Variants in CNTNAP2 observed in about 807,000 individuals in gnomAD.
CNTNAP2 encodes the protein contactin associated protein 2.
Under a neutral mutation model 155.2 loss-of-function variants are expected in CNTNAP2, and 98 were observed. The observed-to-expected ratio is 0.63, with a 90% CI of 0.54 to 0.75. CNTNAP2 has a LOEUF of 0.75. CNTNAP2 is among the 30% of genes least tolerant of loss of function. CNTNAP2 has a pLI of 0.00. For missense variants in CNTNAP2, 1,727 were observed against 1,688.1 expected (o/e 1.02, Z -0.40); for synonymous variants, 651 against 631.2 (o/e 1.03, Z -0.47).
At position 146,528,000 on chromosome 7, in the gene CNTNAP2, G is replaced by T. The variant is rs548568071; in HGVS notation, c.98-246271G>T. On this transcript the variant is annotated intron_variant, in intron 1 of 23. Coordinates refer to ENST00000361727, the MANE Select transcript of CNTNAP2 (RefSeq NM_014141.6). ...CTACCACTATAGTCAATGATAAAAT[G>T]TGAATAAATAGAAAGAAAAATATTG... is the stretch of plus-strand genomic sequence containing the variant. 6.6e-5 allele frequency among the ~76,000 whole-genome samples: 10 copies of T among 152,146 alleles called. No homozygotes were observed. The South Asian group carries it at 1.2e-3, about 19-fold the overall frequency.
intron 1 of CNTNAP2, among the ~76,000 whole-genome samples, chr7:146,553,849 C>T (rs1798156563): frequency 6.6e-6 from 1 of 151,890 alleles, no homozygotes; most frequent in African/African-American, 2.4e-5. Flanking sequence ...ATTATGCTGT[C>T]TGCGTACTCA....
At chr7:147,359,814 A>T (rs1796117734) in intron 9 of CNTNAP2, among the ~76,000 whole-genome samples, 1 of 151,994 alleles carries the variant, frequency 6.6e-6, no homozygotes, top group South Asian at 2.1e-4. Context: ...ACAGCCTGCC[A>T]CCCACCTCTC....
chr7:147,948,068 A>G (rs77187521), intron 14 of CNTNAP2, among the ~76,000 whole-genome samples: 8,685 of 152,226 alleles, frequency 0.057, 307 homozygotes, highest in South Asian at 0.14. Flanking sequence ...CTTAAAAATT[A>G]ATTATTTTCA....
chr7:147,619,657 C>T (rs563890161), intron 12 of CNTNAP2, among the ~76,000 whole-genome samples: 1 of 152,326 alleles, frequency 6.6e-6, no homozygotes, highest in South Asian at 2.1e-4. Flanking sequence ...AGCTCAGCCA[C>T]AGTACAACAG....
At chr7:146,410,030 A>G (rs1795844189) in intron 1 of CNTNAP2, among the ~76,000 whole-genome samples, 1 of 152,156 alleles carries the variant, frequency 6.6e-6, no homozygotes, top group South Asian at 2.1e-4. Context: ...ACAGAACCTA[A>G]CAATCAAGGA....
rs56304234 is a variant in CNTNAP2 at position 146,875,934 on chromosome 7, C to CAAAAAAAAAAAAAAAAAAAAAAAAAAA, written c.402+36031_402+36057dup. On this transcript the variant is annotated intron_variant, in intron 3 of 23. Coordinates refer to ENST00000361727, the MANE Select transcript of CNTNAP2 (RefSeq NM_014141.6). ...CACACACACACACACACATACACAG[C>CAAAAAAAAAAAAAAAAAAAAAAAAAAA]AAAAAAAAAAAAAAAAAAAAAAAAA... is the stretch of plus-strand genomic sequence containing the variant. 7.4e-4 allele frequency among the ~76,000 whole-genome samples: 41 copies of CAAAAAAAAAAAAAAAAAAAAAAAAAAA among 55,136 alleles called. 3 individuals are homozygous for CAAAAAAAAAAAAAAAAAAAAAAAAAAA. The highest frequency in any genetic ancestry group is 1.0e-3 in the East Asian group (1 of 954). The allele number at this position is 55,136 out of a possible 152,430, so 36.2% of individuals were successfully genotyped here.
intron 20 of CNTNAP2, among the ~76,000 whole-genome samples, chr7:148,247,619 CTCTCTCTATTTATTTATT>C (rs1334452021): frequency 7.0e-6 from 1 of 141,992 alleles, no homozygotes; most frequent in African/African-American, 2.7e-5. Context: ...CTCTCTCTCT[CTCTCTCTATTTATTTATT>C]TATTTATTTA....
intron 1 of CNTNAP2, among the ~76,000 whole-genome samples, chr7:146,577,012 G>T (rs1482214486): frequency 6.6e-6 from 1 of 151,952 alleles, no homozygotes; most frequent in East Asian, 1.9e-4. Context: ...CCTATTATTT[G>T]ATAATCTTAT....
At chr7:147,714,762 T>A (rs1176167300) in intron 13 of CNTNAP2, among the ~76,000 whole-genome samples, 4 of 152,014 alleles carry the variant, frequency 2.6e-5, no homozygotes, top group Non-Finnish European at 5.9e-5. Flanking sequence ...TAGATATGTG[T>A]AACCACTAAT....
At chr7:147,018,550 T>A (rs751513250) in intron 3 of CNTNAP2, among the ~76,000 whole-genome samples, 14 of 152,220 alleles carry the variant, frequency 9.2e-5, no homozygotes, top group Non-Finnish European at 1.8e-4. Context: ...ACTCTAATGC[T>A]TTATTCAGAT....
At chr7:148,307,187 G>A (rs1027322486) in intron 21 of CNTNAP2, among the ~76,000 whole-genome samples, 1 of 152,134 alleles carries the variant, frequency 6.6e-6, no homozygotes, top group Non-Finnish European at 1.5e-5. Flanking sequence ...CCTATGCCTA[G>A]AGTCCTCCAA....
intron 1 of CNTNAP2, among the ~76,000 whole-genome samples, chr7:146,496,465 G>A (rs987008982): frequency 6.6e-6 from 1 of 152,092 alleles, no homozygotes; most frequent in African/African-American, 2.4e-5. Flanking sequence ...GAATTTTAAT[G>A]GAGAACAATT....
chr7:148,364,376 A>G (rs1027590134), intron 21 of CNTNAP2, among the ~76,000 whole-genome samples: 1 of 152,220 alleles, frequency 6.6e-6, no homozygotes, highest in Non-Finnish European at 1.5e-5. Context: ...TACATCAATC[A>G]GCACCCTGTG....
chr7:147,007,398 G>A (rs1033954388), intron 3 of CNTNAP2, among the ~76,000 whole-genome samples: 4 of 152,012 alleles, frequency 2.6e-5, no homozygotes, highest in African/African-American at 9.7e-5. Context: ...CTATCTGTCT[G>A]TCTATCTACC....
At chr7:148,332,905 T>A (rs1450090739) in intron 21 of CNTNAP2, among the ~76,000 whole-genome samples, 1 of 152,194 alleles carries the variant, frequency 6.6e-6, no homozygotes, top group Non-Finnish European at 1.5e-5. Flanking sequence ...AAGTATAAAA[T>A]AGGATCACAG....
At chr7:146,821,575 G>A (rs1241878117) in intron 2 of CNTNAP2, among the ~76,000 whole-genome samples, 2 of 152,024 alleles carry the variant, frequency 1.3e-5, no homozygotes, top group African/African-American at 4.8e-5. Context: ...CTACTCATCT[G>A]ACAAAGGGCT....
chr7:146,169,320 C>A (rs1261559708), intron 1 of CNTNAP2, among the ~76,000 whole-genome samples: 3 of 151,976 alleles, frequency 2.0e-5, no homozygotes, highest in African/African-American at 7.3e-5. Flanking sequence ...TAAAGTAGTA[C>A]CTGACATATA....
chr7:146,875,256 G>A (rs1158592914), intron 3 of CNTNAP2, among the ~76,000 whole-genome samples: 2 of 152,022 alleles, frequency 1.3e-5, no homozygotes, highest in Admixed American at 6.6e-5. Context: ...TATAACTGAA[G>A]GGATTCAGAT....
chr7:147,004,212 C>CAAAAAAAA (rs71525979), intron 3 of CNTNAP2, among the ~76,000 whole-genome samples: 8 of 97,716 alleles, frequency 8.2e-5, no homozygotes, highest in Non-Finnish European at 1.1e-4. Context: ...ACTCATATAC[C>CAAAAAAAA]AAAAAAAAAA....
Sources: allele counts gnomAD v4.1 joint callset (sites outside exome capture counted in the v4.1 genomes callset), GRCh38; gene constraint gnomAD v4.1.1; transcripts MANE v1.5; gene names NCBI Gene and HGNC (gene_info 2026-07-23, HGNC 2026-07-21).